ADGRF3: variants seen among roughly 807,000 people sequenced by gnomAD.
ADGRF3 encodes the protein adhesion G protein-coupled receptor F3, also known as G protein-coupled receptor 113.
A neutral mutation model predicts 93.2 loss-of-function variants in ADGRF3; 85 were observed. The observed-to-expected ratio is 0.91, with a 90% CI of 0.77 to 1.09. ADGRF3 has a LOEUF of 1.09. Among genes scored for constraint, ADGRF3 ranks in the 50% least tolerant of loss-of-function variants. The pLI, the probability that ADGRF3 is intolerant of heterozygous loss-of-function variation, is 0.00. For missense variants in ADGRF3, 1,125 were observed against 1,246.2 expected (o/e 0.90, Z 1.46); for synonymous variants, 534 against 532.5 (o/e 1.00, Z -0.04).
chr2:26,318,909 G>A (rs1470102042), intron 1 of ADGRF3: 4 of 1,551,002 alleles, frequency 2.6e-6, no homozygotes, highest in Non-Finnish European at 3.5e-6. Context: ...TCCCAATCAG[G>A]GGTCCCCATT....
intron 1 of ADGRF3, among the ~76,000 whole-genome samples, chr2:26,329,440 T>G (rs891990748): frequency 6.6e-6 from 1 of 152,236 alleles, no homozygotes; most frequent in Non-Finnish European, 1.5e-5. Context: ...GTGAAACTGA[T>G]GCACTTTAAA....
intron 1 of ADGRF3, among the ~76,000 whole-genome samples, chr2:26,323,041 A>G (rs560205754): frequency 6.6e-6 from 1 of 152,264 alleles, no homozygotes; most frequent in South Asian, 2.1e-4. Context: ...CAGGAGACGG[A>G]GGCATGAGAA....
rs755388936 is a variant in ADGRF3 at position 26,308,826 on chromosome 2, G to A, written c.*260C>T. 19 of 465,380 alleles carry A rather than the reference G, an allele frequency of 4.1e-5. No individual in the cohort carries two copies. The highest frequency in any genetic ancestry group is 6.9e-5 in the Non-Finnish European group (18 of 262,442). The allele number at this position is 465,380 out of a possible 1,614,324, so 28.8% of individuals were successfully genotyped here. A position where few individuals can be genotyped will look rare whatever the true frequency, so the allele number is the denominator to read the frequency against. On this transcript the variant is annotated 3_prime_UTR_variant, in exon 14 of 14. Coordinates refer to ENST00000651242, the MANE Select transcript of ADGRF3 (RefSeq NM_001321971.2). The stretch of plus-strand genomic sequence containing the variant: ...ATTATTCCGCACTTTGATATCTGTC[G>A]ATTATTTCTGGAGCAAAGGCAGGCT...
At chr2:26,342,892 G>A (rs558689280) in intron 1 of ADGRF3, among the ~76,000 whole-genome samples, 29 of 152,286 alleles carry the variant, frequency 1.9e-4, no homozygotes, top group African/African-American at 6.7e-4. Context: ...CTCTTCCCAC[G>A]TGACCATGCC....
At chr2:26,317,969 C>T (rs766045055) in intron 1 of ADGRF3, 1 of 1,414,872 alleles carries the variant, frequency 7.1e-7, no homozygotes, top group Non-Finnish European at 9.8e-7. Flanking sequence ...CAGAAGGCAG[C>T]CTCTTTCCTC....
chr2:26,331,004 G>A lies in ADGRF3; in HGVS notation c.115-13442C>T, dbSNP rs1020657115. Among the ~76,000 whole-genome samples the A allele has an allele frequency of 3.9e-5, 6 of 152,200 alleles. No homozygotes were observed. The East Asian group carries it at 9.6e-4, about 24-fold the overall frequency. Reference sequence around the variant, plus strand: ...CTGGGCCCCTGCGTCTCACAATTTTGATATGTATTTTTATTATTTCATTCA... The same window carrying A: ...CTGGGCCCCTGCGTCTCACAATTTTAATATGTATTTTTATTATTTCATTCA... On this transcript the variant is annotated intron_variant, in intron 1 of 13. Coordinates refer to ENST00000651242, the MANE Select transcript of ADGRF3 (RefSeq NM_001321971.2).
rs1574743216 is a variant in ADGRF3, at chr2:26,346,156, A to C, written c.79T>G (p.Trp27Gly). 2 of 1,609,380 alleles carry C rather than the reference A, an allele frequency of 1.2e-6. No homozygotes were observed. Among genetic ancestry groups the C allele is most frequent in the African/African-American group, 2.7e-5 (2 of 74,964 alleles). ...AGCCCAGTCTTTGCCATCCTTGCCCAGCCGGTGTGGTGCTTGTGTGTCACA... is the reference window on the plus strand; with the variant it reads ...AGCCCAGTCTTTGCCATCCTTGCCCCGCCGGTGTGGTGCTTGTGTGTCACA... Reference protein sequence around the residue: ...KAVTHKHHTGWARMAKTGLPE... With the variant: ...KAVTHKHHTGGARMAKTGLPE... Residue 27 changes from tryptophan (W) to glycine (G), a missense_variant, in exon 1 of 14, where the codon TGG (tryptophan) becomes GGG (glycine). By Grantham distance (184) the Trp-to-Gly change is radical (BLOSUM62 -2). Coordinates refer to ENST00000651242, the MANE Select transcript of ADGRF3 (RefSeq NM_001321971.2).
At position 26,311,859 on chromosome 2, in the gene ADGRF3, G is replaced by A. The variant is rs1313935570; in HGVS notation, c.1665C>T (p.Tyr555=). ...GGGGCCGAGTAGGGAAGGAGATGCT[G>A]TAGTCAGCAGGAAACGTGGGTCCAA... The part of the protein sequence containing the change: ...QLFGPTFPAD[Y]SISFPTRPPL... The change falls in exon 10 of 14, where the codon TAC becomes TAT. Residue 555 remains tyrosine (Y), a synonymous_variant. Coordinates refer to ENST00000651242, the MANE Select transcript of ADGRF3 (RefSeq NM_001321971.2). 1.9e-6 allele frequency: 3 copies of A among 1,613,920 alleles called. No homozygotes were observed. The highest frequency in any genetic ancestry group is 2.2e-5 in the East Asian group (1 of 44,874).
intron 5 of ADGRF3, chr2:26,314,887 C>T (rs1674521006): frequency 2.2e-6 from 1 of 463,688 alleles, no homozygotes; most frequent in Non-Finnish European, 3.8e-6. Context: ...GCCCTTCCTG[C>T]ACCACCCCTG....
intron 1 of ADGRF3, among the ~76,000 whole-genome samples, chr2:26,334,861 A>C (rs1007223194): frequency 6.6e-6 from 1 of 152,258 alleles, no homozygotes; most frequent in Non-Finnish European, 1.5e-5. Context: ...AACTTTATCT[A>C]CAATGATAAA....
rs773273070 is a variant in ADGRF3, at chr2:26,313,835, T to C, written c.997A>G (p.Thr333Ala). The change falls in exon 7 of 14, where the codon ACC becomes GCC. Residue 333 changes from threonine to alanine, a missense_variant. By Grantham distance (58) the Thr-to-Ala change is moderately conservative. Transcript: ENST00000651242. ...CTCTGCAGGTCACAAGCGTACGTGGTGTCAGCCATCGGGCAGCGCTGAACA... is the reference window on the plus strand; with the variant it reads ...CTCTGCAGGTCACAAGCGTACGTGGCGTCAGCCATCGGGCAGCGCTGAACA... ...LAVQRCPMADTTYACDLQSLG... is the reference protein window; with the variant it reads ...LAVQRCPMADATYACDLQSLG... The C allele has an allele frequency of 2.5e-6, 4 of 1,613,994 alleles. No homozygotes were observed. The highest frequency in any genetic ancestry group is 2.2e-5 in the South Asian group (2 of 91,084).
rs781106463 is a variant in ADGRF3 at position 26,309,566 on chromosome 2, A to G, written c.2953T>C (p.Cys985Arg). The G allele has an allele frequency of 6.2e-7, 1 of 1,612,798 alleles. No individual in the cohort carries two copies. Among genetic ancestry groups the G allele is most frequent in the Non-Finnish European group, 8.5e-7 (1 of 1,179,564 alleles). The change falls in exon 13 of 14, where the codon TGC becomes CGC. Residue 985 changes from cysteine (C) to arginine (R), a missense_variant. Physicochemically the swap from Cys to Arg is radical, Grantham distance 180. Transcript: ENST00000651242. ...STISLATNEG[C>R]ILEHSKGGSD... is the part of the protein sequence containing the mutation. ...CCTCCTTTGCTGTGTTCCAAGATGC[A>G]GCCTTCATTTGTGGCCTAGGAAGGG...
chr2:26,346,214 G>A lies in ADGRF3; in HGVS notation c.21C>T (p.Ser7=), dbSNP rs1329457701. ...AGCCGGGAGTCGCTGCCGAGTGGGCGCTCAGTTTTCGGGTCGTCATGGCTG... is the reference window on the plus strand; with the variant it reads ...AGCCGGGAGTCGCTGCCGAGTGGGCACTCAGTTTTCGGGTCGTCATGGCTG... MTTRKL[S]AHSAATPGYK... Residue 7 remains serine, a synonymous_variant, in exon 1 of 14, where the codon AGC becomes AGT. Transcript: ENST00000651242. The A allele has an allele frequency of 1.9e-6, 3 of 1,613,586 alleles. No homozygotes were observed. The highest frequency in any genetic ancestry group is 1.1e-5 in the South Asian group (1 of 91,036).
intron 1 of ADGRF3, chr2:26,318,014 C>T (rs1243180199): frequency 1.2e-5 from 18 of 1,547,630 alleles, no homozygotes; most frequent in Non-Finnish European, 1.4e-5. Context: ...TCCTCACCAA[C>T]TCCTCCTCTG....
intron 1 of ADGRF3, among the ~76,000 whole-genome samples, chr2:26,327,108 T>TGTGCCCGGCTAATTTTTTG (rs1675476232): frequency 6.6e-6 from 1 of 152,228 alleles, no homozygotes; most frequent in South Asian, 2.1e-4. Flanking sequence ...TAATCTCTGA[T>TGTGCCCGGCTAATTTTTTG]TACAGTACAG....
chr2:26,311,334 G>A lies in ADGRF3; in HGVS notation c.2190C>T (p.Val730=), dbSNP rs1174934057. 2 of 1,613,930 alleles carry A rather than the reference G, an allele frequency of 1.2e-6. No individual in the cohort carries two copies. The highest frequency in any genetic ancestry group is 8.5e-7 in the Non-Finnish European group (1 of 1,179,884). ...AATAGGAGATCTTGTTCCGCACCAC[G>A]ACTCTCCACACCAGCCAGTACACAC... ...CLGVYWLVWR[V]VVRNKISYFR... Residue 730 remains valine, a synonymous_variant, in exon 10 of 14, where the codon GTC becomes GTT. Coordinates refer to ENST00000651242, the MANE Select transcript of ADGRF3 (RefSeq NM_001321971.2).
Position 26,311,910 on chromosome 2 carries a change from G to C in ADGRF3, c.1614C>G (p.Pro538=). The change falls in exon 10 of 14, where the codon CCC becomes CCG. Residue 538 remains proline, a synonymous_variant. Coordinates refer to ENST00000651242, the MANE Select transcript of ADGRF3 (RefSeq NM_001321971.2). ...PQDHPFAFSL[P]NVLLQSQLFG... is the part of the protein sequence containing the mutation. ...ACAGCTGGCTCTGCAGCAGCACATT[G>C]GGTAAGCTGAAGGCGAAGGGGTGGT... is the stretch of plus-strand genomic sequence containing the variant. 1 of 1,613,940 alleles carries C rather than the reference G, an allele frequency of 6.2e-7. No homozygotes were observed. The highest frequency in any genetic ancestry group is 8.5e-7 in the Non-Finnish European group (1 of 1,179,860).
At chr2:26,342,184 C>G (rs1676438433) in intron 1 of ADGRF3, among the ~76,000 whole-genome samples, 2 of 151,796 alleles carry the variant, frequency 1.3e-5, no homozygotes, top group Non-Finnish European at 2.9e-5. Flanking sequence ...ACCTGTGTTC[C>G]TCTTTCCTGG....
At chr2:26,334,279 C>G (rs1675921734) in intron 1 of ADGRF3, among the ~76,000 whole-genome samples, 2 of 138,674 alleles carry the variant, frequency 1.4e-5, no homozygotes, top group Admixed American at 1.5e-4. Context: ...AGACAGCAAG[C>G]TATCATCTCA....
Sources: gnomAD v4.1 joint callset for allele counts (sites outside exome capture counted in the v4.1 genomes callset) on GRCh38, gnomAD v4.1.1 for gene constraint, MANE v1.5 for transcripts, NCBI Gene and HGNC (gene_info 2026-07-23, HGNC 2026-07-21) for gene names.